The following COX7B2 variants were observed in gnomAD, a reference collection of about 807,000 sequenced individuals.
COX7B2 encodes the protein cytochrome c oxidase subunit 7B2, also known as cytochrome c oxidase subunit 7B2, mitochondrial.
For missense variants in COX7B2, 109 were observed against 95.9 expected (o/e 1.14, Z -0.57); for synonymous variants, 37 against 32.1 (o/e 1.15, Z -0.51).
rs1036569331 is a variant in COX7B2 at position 46,757,395 on chromosome 4, C to T, written c.-49-22154G>A. Among the ~76,000 whole-genome samples the T allele has an allele frequency of 2.0e-5, 3 of 152,102 alleles. No homozygotes were observed. In the East Asian group the frequency reaches 5.8e-4, roughly 29 times the overall value. ...ATTCTGGTGATGGATGCACTAAAAGCCCAGACTATCATTATGCAACATATG... is the reference window on the plus strand; with the variant it reads ...ATTCTGGTGATGGATGCACTAAAAGTCCAGACTATCATTATGCAACATATG... On this transcript the variant is annotated intron_variant, in intron 2 of 2. Transcript: ENST00000355591.
intron 1 of COX7B2, among the ~76,000 whole-genome samples, chr4:46,881,629 C>A (rs528712371): frequency 6.6e-6 from 1 of 151,954 alleles, no homozygotes; most frequent in African/African-American, 2.4e-5. Context: ...ATTAGCCAGA[C>A]GTGGTGGAGT....
chr4:46,809,374 C>A (rs955689414), intron 2 of COX7B2, among the ~76,000 whole-genome samples: 2 of 151,532 alleles, frequency 1.3e-5, no homozygotes, highest in Admixed American at 6.6e-5. Context: ...GACTATTTTT[C>A]TGAGATATTT....
Position 46,858,307 on chromosome 4 carries a change from G to A in COX7B2, c.-104-13293C>T, listed in dbSNP as rs1308214060. On this transcript the variant is annotated intron_variant, in intron 1 of 2. Coordinates refer to ENST00000355591, the MANE Select transcript of COX7B2 (RefSeq NM_130902.3). ...TGGGGGGGTTCGCCATATTGGCCAT[G>A]CTGGTCTCAAACTCCTTCCCTCAAG... Among the ~76,000 whole-genome samples, 3 of 152,060 alleles carry A rather than the reference G, an allele frequency of 2.0e-5. No homozygotes were observed. The South Asian group carries it at 6.2e-4, about 32-fold the overall frequency.
At position 46,838,834 on chromosome 4, in the gene COX7B2, G is replaced by C. The variant is rs1404357604; in HGVS notation, c.-50+6126C>G. 2.6e-5 allele frequency among the ~76,000 whole-genome samples: 4 copies of C among 151,794 alleles called. No individual in the cohort carries two copies. In the East Asian group the frequency reaches 7.8e-4, roughly 29 times the overall value. On this transcript the variant is annotated intron_variant, in intron 2 of 2. Transcript: ENST00000355591. ...GACCTGATAATTCCGAATGGCATTT[G>C]GCCCAACCATAGAAATTTTATTCCA... is the stretch of plus-strand genomic sequence containing the variant.
At chr4:46,787,539 G>A (rs1717815483) in intron 2 of COX7B2, among the ~76,000 whole-genome samples, 1 of 152,144 alleles carries the variant, frequency 6.6e-6, no homozygotes, top group African/African-American at 2.4e-5. Flanking sequence ...CACTGTAGGT[G>A]CTCAATGTTG....
intron 1 of COX7B2, among the ~76,000 whole-genome samples, chr4:46,851,972 T>C (rs985511568): frequency 6.6e-6 from 1 of 152,104 alleles, no homozygotes; most frequent in Non-Finnish European, 1.5e-5. Context: ...GGTAAGTATC[T>C]TGGGAATATA....
At chr4:46,751,498 A>C (rs1715375018) in intron 2 of COX7B2, among the ~76,000 whole-genome samples, 1 of 152,170 alleles carries the variant, frequency 6.6e-6, no homozygotes, top group African/African-American at 2.4e-5. Flanking sequence ...ACATTATGCT[A>C]CTGTCAACTC....
chr4:46,801,349 G>A (rs1443197357), intron 2 of COX7B2, among the ~76,000 whole-genome samples: 2 of 152,090 alleles, frequency 1.3e-5, no homozygotes, highest in Non-Finnish European at 2.9e-5. Context: ...CCCATCAACG[G>A]TGGACTACAT....
chr4:46,829,046 A>C (rs1008859536), intron 2 of COX7B2, among the ~76,000 whole-genome samples: 1 of 152,326 alleles, frequency 6.6e-6, no homozygotes, highest in Middle Eastern at 3.4e-3. Context: ...AGACAACAGC[A>C]GTATTCTAAG....
intron 2 of COX7B2, among the ~76,000 whole-genome samples, chr4:46,781,476 C>A (rs1323556144): frequency 6.6e-6 from 1 of 151,820 alleles, no homozygotes; most frequent in Non-Finnish European, 1.5e-5. Context: ...GTTTTCAAAT[C>A]TTCTTTTCAA....
chr4:46,848,451 T>A (rs1049851393), intron 1 of COX7B2, among the ~76,000 whole-genome samples: 4 of 152,086 alleles, frequency 2.6e-5, no homozygotes, highest in Admixed American at 2.6e-4. Flanking sequence ...TACCTATAAT[T>A]TGGATGCAAA....
At chr4:46,781,175 G>A (rs555775177) in intron 2 of COX7B2, among the ~76,000 whole-genome samples, 1 of 152,066 alleles carries the variant, frequency 6.6e-6, no homozygotes, top group African/African-American at 2.4e-5. Flanking sequence ...GGGCACAAAA[G>A]CAACACACTG....
chr4:46,818,326 A>G (rs532324067), intron 2 of COX7B2, among the ~76,000 whole-genome samples: 1 of 152,282 alleles, frequency 6.6e-6, no homozygotes, highest in Non-Finnish European at 1.5e-5. Context: ...TAAAGAATAC[A>G]TGAACATAGA....
intron 1 of COX7B2, among the ~76,000 whole-genome samples, chr4:46,882,898 A>G (rs1718838083): frequency 1.3e-5 from 2 of 152,232 alleles, no homozygotes; most frequent in South Asian, 4.1e-4. Context: ...TTATCACTAT[A>G]TATCTACACT....
chr4:46,895,761 T>C (rs1719723391), intron 1 of COX7B2, among the ~76,000 whole-genome samples: 1 of 152,156 alleles, frequency 6.6e-6, no homozygotes, highest in Admixed American at 6.5e-5. Flanking sequence ...TGTTTTGTAT[T>C]TTTAAGGCCC....
intron 2 of COX7B2, among the ~76,000 whole-genome samples, chr4:46,749,006 C>T (rs924033960): frequency 1.3e-5 from 2 of 152,136 alleles, no homozygotes; most frequent in African/African-American, 2.4e-5. Flanking sequence ...CCTAAAATAG[C>T]TCAAAGTGTC....
chr4:46,742,765 C>G (rs953879846), intron 2 of COX7B2, among the ~76,000 whole-genome samples: 7 of 151,722 alleles, frequency 4.6e-5, no homozygotes, highest in African/African-American at 1.7e-4. Context: ...GAGCTGGTGT[C>G]CTCAAATGCC....
At chr4:46,764,294 C>G (rs920241551) in intron 2 of COX7B2, among the ~76,000 whole-genome samples, 19 of 152,064 alleles carry the variant, frequency 1.2e-4, no homozygotes, top group Admixed American at 1.0e-3. Context: ...CCTGTAATCT[C>G]AGCACTTTGG....
chr4:46,875,742 G>A (rs893030242), intron 1 of COX7B2, among the ~76,000 whole-genome samples: 4 of 151,444 alleles, frequency 2.6e-5, no homozygotes, highest in Admixed American at 6.6e-5. Context: ...TTCATCCCCC[G>A]TAGCCCATGT....
Sources: allele counts gnomAD v4.1 joint callset (sites outside exome capture counted in the v4.1 genomes callset), GRCh38; gene constraint gnomAD v4.1.1; transcripts MANE v1.5; gene names NCBI Gene and HGNC (gene_info 2026-07-23, HGNC 2026-07-21).